The following UPK3A variants were observed in gnomAD, a reference collection of about 807,000 sequenced individuals.
UPK3A encodes the protein uroplakin 3A.
In UPK3A, 32 loss-of-function variants were observed where a neutral mutation model predicts 27.6. The ratio of observed to expected loss-of-function variants is 1.16; its 90% CI spans 0.87 to 1.55. The LOEUF is 1.55. UPK3A is among the 40% of genes most tolerant of loss of function. The pLI is 0.00. For missense variants in UPK3A, 370 were observed against 367.9 expected, an observed-to-expected ratio of 1.01 and a Z score of -0.05; for synonymous variants, 171 against 163.9, an observed-to-expected ratio of 1.04 and a Z score of -0.33.
intron 4 of UPK3A, 38 bp downstream of exon 4, chr22:45,289,181 G>A (rs1272109091): frequency 6.2e-7 from 1 of 1,607,500 alleles, no homozygotes; most frequent in Admixed American, 1.7e-5. Flanking sequence ...TGCTCAAGGG[G>A]ACCCGAGAAG....
At position 45,295,794 on chromosome 22, in the gene UPK3A, C is replaced by T. The variant is rs551793338; in HGVS notation, c.*75C>T. On this transcript the variant is annotated 3_prime_UTR_variant, in exon 6 of 6. Transcript: ENST00000216211. ...AGGCCCTGCAGCGGTGGTTGTCACA[C>T]CCTGACTTCAGGGAAGGTGAAACAG... is the stretch of plus-strand genomic sequence containing the variant. The T allele has an allele frequency of 2.5e-6, 4 of 1,576,398 alleles. No homozygotes were observed. In the South Asian group the frequency reaches 4.5e-5, roughly 18 times the overall value.
intron 1 of UPK3A, among the ~76,000 whole-genome samples, chr22:45,285,353 TAGAG>T (rs1195970961): frequency 6.6e-6 from 1 of 151,786 alleles, no homozygotes; most frequent in Non-Finnish European, 1.5e-5. Context: ...CGGGGGCAGA[TAGAG>T]AGATATTTCG....
intron 1 of UPK3A, among the ~76,000 whole-genome samples, chr22:45,285,482 G>A (rs1208239059): frequency 6.6e-6 from 1 of 152,208 alleles, no homozygotes; most frequent in African/African-American, 2.4e-5. Context: ...TGTGGGGGAA[G>A]GGGTGAGGCT....
intron 3 of UPK3A, among the ~76,000 whole-genome samples, chr22:45,288,052 CTACGTGTG>C (rs1255949845): frequency 6.6e-6 from 1 of 152,170 alleles, no homozygotes; most frequent in Admixed American, 6.5e-5. Flanking sequence ...CCTGGCCCAT[CTACGTGTG>C]TGGAAGTCAC....
chr22:45,285,679 T>G (rs893308660), intron 1 of UPK3A, among the ~76,000 whole-genome samples: 1 of 151,854 alleles, frequency 6.6e-6, no homozygotes, highest in African/African-American at 2.4e-5. Flanking sequence ...GCCGATGGCA[T>G]GGAGAGATGC....
chr22:45,295,124 T>C lies in UPK3A; in HGVS notation c.705-436T>C, dbSNP rs375087860. Among the ~76,000 whole-genome samples, 9 of 152,178 alleles carry C rather than the reference T, an allele frequency of 5.9e-5. No individual in the cohort carries two copies. In the South Asian group the frequency reaches 8.3e-4, roughly 14 times the overall value. ...CTCAGGTGATCCACCTGCCTTGGCC[T>C]CCCAAAGTGCTGGGATTACAGATGT... On this transcript the variant is annotated intron_variant, in intron 5 of 5. Transcript: ENST00000216211.
chr22:45,293,161 C>G lies in UPK3A; in HGVS notation c.572-20C>G, dbSNP rs375478467. 18 of 1,612,884 alleles carry G rather than the reference C, an allele frequency of 1.1e-5. 1 individual carries two copies. The highest frequency in any genetic ancestry group is 1.5e-5 in the Non-Finnish European group (18 of 1,179,988). The stretch of plus-strand genomic sequence containing the variant: ...GGTGGTGCGGTGTCTGGGAAGTAAC[C>G]GGGCTGCATCCCACCACAGTCACCC... On this transcript the variant is annotated intron_variant, in intron 4 of 5. Coordinates refer to ENST00000216211, the MANE Select transcript of UPK3A (RefSeq NM_006953.4).
In UPK3A at chr22:45,289,557, G is replaced by A. The variant is rs537849942; in HGVS notation, c.571+414G>A. 3.6e-5 allele frequency among the ~76,000 whole-genome samples: 5 copies of A among 137,048 alleles called. No homozygotes were observed. The East Asian group carries it at 8.7e-4, about 24-fold the overall frequency. The allele number at this position is 137,048 out of a possible 152,430, so 89.9% of individuals were successfully genotyped here. On this transcript the variant is annotated intron_variant, in intron 4 of 5. Transcript: ENST00000216211. ...GACACCACTGCATTCCAGCCTGGGC[G>A]ACAGAGTGAGACTCCGTCTCAAAAA...
rs150598171 is a variant in UPK3A, at chr22:45,287,319, T to A, written c.356T>A (p.Ile119Asn). The change falls in exon 3 of 6, where the codon ATT becomes AAT. Residue 119 changes from isoleucine (I) to asparagine (N), a missense_variant. Coordinates refer to ENST00000216211, the MANE Select transcript of UPK3A (RefSeq NM_006953.4). ...PCSDLPSLDA[I>N]GDVSKASQIL... ...AGTGACCTGCCCAGCCTGGATGCCA[T>A]TGGGGATGTGTCCAAGGCCTCACAG... is the stretch of plus-strand genomic sequence containing the variant. 3.1e-6 allele frequency: 5 copies of A among 1,614,208 alleles called. No homozygotes were observed. The highest frequency in any genetic ancestry group is 3.3e-5 in the Admixed American group (2 of 60,026).
At chr22:45,292,931 C>CA (rs56662710) in intron 4 of UPK3A, among the ~76,000 whole-genome samples, 9,200 of 111,318 alleles carry the variant, frequency 0.083, 678 homozygotes, top group African/African-American at 0.23. Flanking sequence ...TAAAATAATG[C>CA]AAAAAAAAAA....
At position 45,285,076 on chromosome 22, in the gene UPK3A, A is replaced by G; in HGVS notation, c.52+11A>G. 6.5e-7 allele frequency: 1 copy of G among 1,535,308 alleles called. No homozygotes were observed. Among genetic ancestry groups the G allele is most frequent in the Non-Finnish European group, 8.7e-7 (1 of 1,147,446 alleles). ...TGCGGTTCGGCTCGGGTAGGCGGTG[A>G]AGGGCAGGAGGGGGCTGAGCCCAGA... On this transcript the variant is annotated intron_variant, in intron 1 of 5. Transcript: ENST00000216211.
intron 4 of UPK3A, among the ~76,000 whole-genome samples, chr22:45,290,993 T>C (rs953405583): frequency 6.6e-6 from 1 of 152,176 alleles, no homozygotes; most frequent in African/African-American, 2.4e-5. Context: ...TACATGATGA[T>C]GAGTTGTACA....
Position 45,287,334 on chromosome 22 carries a change from A to G in UPK3A, c.371A>G (p.Lys124Arg), listed in dbSNP as rs1452600676. 1.2e-6 allele frequency: 2 copies of G among 1,614,168 alleles called. No homozygotes were observed. Among genetic ancestry groups the G allele is most frequent in the South Asian group, 2.2e-5 (2 of 91,080 alleles). Residue 124 changes from lysine (K) to arginine (R), a missense_variant, in exon 3 of 6, where the codon AAG becomes AGG. By Grantham distance (26) the Lys-to-Arg change is conservative. Transcript: ENST00000216211. ...CTGGATGCCATTGGGGATGTGTCCAAGGCCTCACAGATCCTGAATGCCTAC... is the reference window on the plus strand; with the variant it reads ...CTGGATGCCATTGGGGATGTGTCCAGGGCCTCACAGATCCTGAATGCCTAC... Reference protein sequence around the residue: ...PSLDAIGDVSKASQILNAYLV... With the variant: ...PSLDAIGDVSRASQILNAYLV...
intron 1 of UPK3A, among the ~76,000 whole-genome samples, chr22:45,285,494 G>C (rs1255675600): frequency 6.6e-6 from 1 of 152,172 alleles, no homozygotes; most frequent in African/African-American, 2.4e-5. Flanking sequence ...GGTGAGGCTG[G>C]AGACCGAACA....
intron 1 of UPK3A, among the ~76,000 whole-genome samples, chr22:45,285,625 G>C (rs540184774): frequency 1.4e-4 from 9 of 63,544 alleles, no homozygotes; most frequent in African/African-American, 3.1e-4. Context: ...ACTTGCATGT[G>C]GGGGGAGGGC....
chr22:45,287,672 T>C (rs2084128941), intron 3 of UPK3A, among the ~76,000 whole-genome samples: 1 of 152,148 alleles, frequency 6.6e-6, no homozygotes, highest in Non-Finnish European at 1.5e-5. Flanking sequence ...TATTTATTTA[T>C]TTATTTTTTG....
Position 45,293,203 on chromosome 22 carries a change from C to T in UPK3A, c.594C>T (p.Asp198=). Residue 198 remains aspartate, a synonymous_variant, in exon 5 of 6, where the codon GAC becomes GAT. Transcript: ENST00000216211. ...TNQLTPYSTI[D]TWPGRRSGGM... ...CAGTCACCCCATACTCGACGATCGA[C>T]ACGTGGCCAGGCCGGCGGAGCGGAG... is the stretch of plus-strand genomic sequence containing the variant. The T allele has an allele frequency of 3.7e-6, 6 of 1,614,066 alleles. No homozygotes were observed. The highest frequency in any genetic ancestry group is 5.1e-6 in the Non-Finnish European group (6 of 1,180,042).
At chr22:45,286,393 G>A (rs188724306) in intron 2 of UPK3A, among the ~76,000 whole-genome samples, 2 of 152,286 alleles carry the variant, frequency 1.3e-5, no homozygotes, top group East Asian at 3.9e-4. Context: ...AGGGAAGCAA[G>A]GCTCAGAGAG....
intron 4 of UPK3A, among the ~76,000 whole-genome samples, chr22:45,291,740 A>G (rs185680834): frequency 0.011 from 948 of 84,138 alleles, 21 homozygotes; most frequent in African/African-American, 0.04. Flanking sequence ...TGGTGTGTGT[A>G]ACTGTGTGTG....
Sources: allele counts gnomAD v4.1 joint callset (sites outside exome capture counted in the v4.1 genomes callset), GRCh38; gene constraint gnomAD v4.1.1; transcripts MANE v1.5; gene names NCBI Gene and HGNC (gene_info 2026-07-23, HGNC 2026-07-21).